GPHN: variants seen among roughly 807,000 people sequenced by gnomAD.
GPHN encodes gephyrin.
Under a neutral mutation model 95.5 loss-of-function variants are expected in GPHN, and 17 were observed. That is an observed-to-expected ratio of 0.18 (90% CI 0.12 to 0.27). GPHN has a LOEUF of 0.27. Ranked by LOEUF, GPHN falls within the 10% of genes least tolerant of loss-of-function variation. The pLI is 1.00. For synonymous variants in GPHN, 320 were observed against 322.5 expected, an observed-to-expected ratio of 0.99 and a Z score of 0.08; for missense variants, 660 against 978.1, an observed-to-expected ratio of 0.67 and a Z score of 4.34.
chr14:66,943,790 A>G (rs921786160), intron 8 of GPHN, among the ~76,000 whole-genome samples: 3 of 152,310 alleles, frequency 2.0e-5, no homozygotes, highest in South Asian at 2.1e-4. Flanking sequence ...CCCAGTCACC[A>G]TAAGATCTTT....
At chr14:67,348,143 C>T in the GPHN span, among the ~76,000 whole-genome samples, 10 of 151,958 alleles carry the variant, frequency 6.6e-5, no homozygotes, top group South Asian at 2.1e-4. Context: ...GGCGCAATCT[C>T]GGCTCACCAC....
At chr14:66,769,132 C>T (rs2059069667) in intron 2 of GPHN, among the ~76,000 whole-genome samples, 1 of 151,886 alleles carries the variant, frequency 6.6e-6, no homozygotes, top group Non-Finnish European at 1.5e-5. Flanking sequence ...GATTCTGTCT[C>T]AAGACAGTGA....
chr14:67,692,888 G>A, the GPHN span: 4 of 1,252,540 alleles, frequency 3.2e-6, no homozygotes, highest in Non-Finnish European at 3.5e-6. Context: ...TACTGTGAGG[G>A]GTAAAACAGC....
At chr14:67,482,881 A>C in the GPHN span, among the ~76,000 whole-genome samples, 1 of 151,794 alleles carries the variant, frequency 6.6e-6, no homozygotes, top group Non-Finnish European at 1.5e-5. Context: ...TCCTCCCTCC[A>C]CCTCCCAAGT....
intron 1 of GPHN, among the ~76,000 whole-genome samples, chr14:66,563,197 G>A (rs1465097294): frequency 5.3e-5 from 8 of 151,952 alleles, no homozygotes; most frequent in South Asian, 2.1e-4. Context: ...ACTAATAAAC[G>A]TAGTTTCTTG....
At chr14:67,450,361 G>A in the GPHN span, among the ~76,000 whole-genome samples, 19 of 152,282 alleles carry the variant, frequency 1.2e-4, no homozygotes, top group African/African-American at 4.1e-4. Context: ...TTTGGAACTG[G>A]GTAACAGGCA....
rs537967825 is a variant in GPHN, at chr14:66,556,960, G to T, written c.64+48369G>T. Among the ~76,000 whole-genome samples the T allele has an allele frequency of 1.5e-3, 232 of 152,212 alleles. 6 individuals are homozygous for T. The highest frequency in any genetic ancestry group is 9.6e-4 in the East Asian group (5 of 5,186). ...CATGCCTCTAATTCCTGAACTTTGG[G>T]AGCCAAGACAGGAGGATTGCTGAGC... On this transcript the variant is annotated intron_variant, in intron 1 of 22. Coordinates refer to ENST00000478722, the MANE Select transcript of GPHN (RefSeq NM_020806.5).
the GPHN span, chr14:67,589,985 T>G: frequency 1.4e-6 from 2 of 1,451,546 alleles, no homozygotes; most frequent in East Asian, 5.0e-5. Context: ...CCTAGGACTG[T>G]GTCCACCTGA....
the GPHN span, among the ~76,000 whole-genome samples, chr14:67,552,311 C>G: frequency 6.6e-6 from 1 of 152,210 alleles, no homozygotes; most frequent in Non-Finnish European, 1.5e-5. Context: ...TGCAGAGCTC[C>G]AGGTGTGGCC....
intron 1 of GPHN, among the ~76,000 whole-genome samples, chr14:66,617,041 T>C (rs999145165): frequency 2.6e-5 from 4 of 152,142 alleles, no homozygotes; most frequent in Admixed American, 6.5e-5. Context: ...GCACTTTGAC[T>C]GTCCATTGGT....
the GPHN span, among the ~76,000 whole-genome samples, chr14:67,625,764 G>GACTGCCC: frequency 2.3e-5 from 3 of 130,048 alleles, no homozygotes; most frequent in East Asian, 7.0e-4. Flanking sequence ...AAGGTAAAAA[G>GACTGCCC]ACTGCCCATA....
At chr14:67,423,174 G>A in the GPHN span, among the ~76,000 whole-genome samples, 2 of 152,004 alleles carry the variant, frequency 1.3e-5, no homozygotes, top group African/African-American at 4.8e-5. Flanking sequence ...AGTGTCTTCT[G>A]CTACAGCAAC....
At chr14:66,585,172 G>C (rs546777002) in intron 1 of GPHN, among the ~76,000 whole-genome samples, 1 of 152,122 alleles carries the variant, frequency 6.6e-6, no homozygotes, top group African/African-American at 2.4e-5. Context: ...TAGTTTATTT[G>C]TGTAGAGGTG....
the GPHN span, among the ~76,000 whole-genome samples, chr14:67,413,601 T>C: frequency 2.6e-5 from 4 of 152,188 alleles, no homozygotes; most frequent in Non-Finnish European, 4.4e-5. Context: ...CTTGACACAG[T>C]GTTGCTTCTA....
At chr14:66,690,691 T>C (rs2067709787) in intron 2 of GPHN, among the ~76,000 whole-genome samples, 1 of 152,250 alleles carries the variant, frequency 6.6e-6, no homozygotes, top group Non-Finnish European at 1.5e-5. Context: ...GCTCCAATGT[T>C]GGGTGCATAT....
At chr14:66,705,568 A>G (rs1334351649) in intron 2 of GPHN, among the ~76,000 whole-genome samples, 1 of 152,242 alleles carries the variant, frequency 6.6e-6, no homozygotes, top group Non-Finnish European at 1.5e-5. Context: ...CAAAACGCAC[A>G]TAATTATCTG....
chr14:67,160,261 G>A (rs531609483), intron 19 of GPHN, among the ~76,000 whole-genome samples: 1 of 152,030 alleles, frequency 6.6e-6, no homozygotes, highest in Non-Finnish European at 1.5e-5. Flanking sequence ...TACTTCCTTA[G>A]GTTATGTTCC....
the GPHN span, chr14:67,388,249 A>G: frequency 6.2e-7 from 1 of 1,613,408 alleles, no homozygotes; most frequent in African/African-American, 1.3e-5. Flanking sequence ...TATCTTCCAG[A>G]GCAGACACGA....
At position 66,542,485 on chromosome 14, in the gene GPHN, A is replaced by T. The variant is rs112345082; in HGVS notation, c.64+33894A>T. Among the ~76,000 whole-genome samples the T allele has an allele frequency of 3.6e-3, 552 of 152,252 alleles. 11 individuals carry two copies. Among genetic ancestry groups the T allele is most frequent in the African/African-American group, 0.013 (526 of 41,550 alleles). ...TACCCATCTACCACCATCTCCATCC[A>T]TATAACCTATCTTTCTACCCATTAT... On this transcript the variant is annotated intron_variant, in intron 1 of 22. Transcript: ENST00000478722.
Sources: gnomAD v4.1 joint callset for allele counts (sites outside exome capture counted in the v4.1 genomes callset) on GRCh38, gnomAD v4.1.1 for gene constraint, MANE v1.5 for transcripts, NCBI Gene and HGNC (gene_info 2026-07-23, HGNC 2026-07-21) for gene names.